The following PTPRD variants were observed in gnomAD, a reference collection of about 807,000 sequenced individuals.
PTPRD encodes the protein protein tyrosine phosphatase receptor type D, also known as receptor-type tyrosine-protein phosphatase delta.
A neutral mutation model predicts 214.5 loss-of-function variants in PTPRD; 34 were observed. The observed-to-expected ratio is 0.16, with a 90% CI of 0.12 to 0.21. PTPRD has a LOEUF of 0.21. Ranked by LOEUF, PTPRD falls within the 10% of genes least tolerant of loss-of-function variation. The probability of loss-of-function intolerance (pLI) is 1.00; values close to 1 mark genes in which losing one functional copy is unlikely to be tolerated. For missense variants in PTPRD, 2,545 were observed against 2,398.7 expected, an observed-to-expected ratio of 1.06 and a Z score of -1.27; for synonymous variants, 1,128 against 845.7, an observed-to-expected ratio of 1.33 and a Z score of -5.79.
chr9:8,316,505 T>C lies in PTPRD; in HGVS notation c.*1369A>G, dbSNP rs1288377234. ...ATTTCATAGCACATACTATAGACAATATACGATTGAATACACTTTTTTTAA... is the reference window on the plus strand; with the variant it reads ...ATTTCATAGCACATACTATAGACAACATACGATTGAATACACTTTTTTTAA... On this transcript the variant is annotated 3_prime_UTR_variant, in exon 46 of 46. Coordinates refer to ENST00000381196, the MANE Select transcript of PTPRD (RefSeq NM_002839.4). The C allele has an allele frequency of 2.2e-5, 5 of 230,318 alleles. No homozygotes were observed. Among genetic ancestry groups the C allele is most frequent in the Non-Finnish European group, 4.3e-5 (5 of 116,134 alleles). The allele number at this position is 230,318 out of a possible 1,614,324, so 14.3% of individuals were successfully genotyped here.
At chr9:8,478,855 A>C (rs2096822198) in intron 30 of PTPRD, among the ~76,000 whole-genome samples, 1 of 152,220 alleles carries the variant, frequency 6.6e-6, no homozygotes, top group African/African-American at 2.4e-5. Flanking sequence ...GGTGTTGAGG[A>C]GTTAAGGAGT....
At position 8,524,962 on chromosome 9, in the gene PTPRD, G is replaced by C. The variant is rs1564065465; in HGVS notation, c.642C>G (p.Gly214=). The change falls in exon 18 of 46, where the codon GGC becomes GGG. Residue 214 remains glycine, a synonymous_variant. Transcript: ENST00000381196. ...AATTGGCAGGAGCGGAATAGCGAGT[G>C]CCCGCGCTGTTGGTGGCAACACACT... The part of the protein sequence containing the change: ...KYECVATNSA[G]TRYSAPANLY... The C allele has an allele frequency of 5.0e-6, 8 of 1,613,656 alleles. No individual in the cohort carries two copies. Among genetic ancestry groups the C allele is most frequent in the Non-Finnish European group, 6.8e-6 (8 of 1,179,692 alleles).
intron 4 of PTPRD, among the ~76,000 whole-genome samples, chr9:9,968,392 G>T (rs935180064): frequency 6.6e-6 from 1 of 152,162 alleles, no homozygotes. Context: ...TTGAGTAAAT[G>T]TAACAGCAAG....
chr9:9,722,459 T>G (rs145009619), intron 7 of PTPRD, among the ~76,000 whole-genome samples: 5 of 152,240 alleles, frequency 3.3e-5, no homozygotes, highest in South Asian at 2.1e-4. Flanking sequence ...TTTAAAAAAT[T>G]TATTCATCAA....
At chr9:10,199,094 T>C (rs975804866) in intron 3 of PTPRD, among the ~76,000 whole-genome samples, 15 of 152,082 alleles carry the variant, frequency 9.9e-5, no homozygotes, top group African/African-American at 3.1e-4. Flanking sequence ...TCCTCTTTCA[T>C]GGTATAGAAG....
At position 8,813,193 on chromosome 9, in the gene PTPRD, A is replaced by AG. The variant is rs542103745; in HGVS notation, c.-103-79248dup. Among the ~76,000 whole-genome samples the AG allele has an allele frequency of 7.6e-3, 1,162 of 152,090 alleles. 11 individuals carry two copies. The highest frequency in any genetic ancestry group is 0.036 in the South Asian group (175 of 4,804). On this transcript the variant is annotated intron_variant, in intron 11 of 45. Coordinates refer to ENST00000381196, the MANE Select transcript of PTPRD (RefSeq NM_002839.4). ...TGGACATTTTTCATTAATGACCTGG[A>AG]GGGTAGAATAATTATCACTGTTATT...
intron 10 of PTPRD, among the ~76,000 whole-genome samples, chr9:9,039,428 G>A (rs116451786): frequency 1.3e-5 from 2 of 152,236 alleles, no homozygotes; most frequent in East Asian, 1.9e-4. Flanking sequence ...TACTTATCTC[G>A]ATGACTCTAA....
intron 11 of PTPRD, among the ~76,000 whole-genome samples, chr9:8,877,147 C>T (rs1008379350): frequency 6.6e-6 from 1 of 151,866 alleles, no homozygotes; most frequent in South Asian, 2.1e-4. Flanking sequence ...GGATGGTCTC[C>T]ATCTCCTGAC....
At chr9:9,525,887 C>T (rs2074013399) in intron 8 of PTPRD, among the ~76,000 whole-genome samples, 1 of 151,726 alleles carries the variant, frequency 6.6e-6, no homozygotes, top group Admixed American at 6.6e-5. Context: ...GGTATTCATC[C>T]ATGTAAGCAT....
chr9:10,457,370 G>A (rs1166350161), intron 2 of PTPRD, among the ~76,000 whole-genome samples: 3 of 151,842 alleles, frequency 2.0e-5, no homozygotes, highest in African/African-American at 7.3e-5. Flanking sequence ...TCCACAGATT[G>A]TTTTTTCCTG....
chr9:8,368,368 C>G (rs922035549), intron 39 of PTPRD, among the ~76,000 whole-genome samples: 1 of 152,102 alleles, frequency 6.6e-6, no homozygotes, highest in South Asian at 2.1e-4. Context: ...TAAACAGTCA[C>G]TTACAACACA....
chr9:9,267,191 G>C (rs369414722), intron 9 of PTPRD, among the ~76,000 whole-genome samples: 2 of 151,074 alleles, frequency 1.3e-5, no homozygotes, highest in Non-Finnish European at 3.0e-5. Context: ...TACATAAAGA[G>C]CAAAAACTCA....
chr9:10,413,165 G>C (rs1168419147), intron 2 of PTPRD, among the ~76,000 whole-genome samples: 1 of 151,836 alleles, frequency 6.6e-6, no homozygotes, highest in Non-Finnish European at 1.5e-5. Flanking sequence ...AAGAGAGGAA[G>C]TCAAACTATC....
At chr9:10,497,139 G>C (rs777434415) in intron 2 of PTPRD, among the ~76,000 whole-genome samples, 41 of 151,770 alleles carry the variant, frequency 2.7e-4, no homozygotes, top group Non-Finnish European at 5.2e-4. Context: ...AGATGCTGCA[G>C]GCTAATAGAG....
chr9:8,683,560 G>C (rs2097597133), intron 12 of PTPRD, among the ~76,000 whole-genome samples: 2 of 152,192 alleles, frequency 1.3e-5, no homozygotes, highest in South Asian at 2.1e-4. Flanking sequence ...AGGAAAAGGA[G>C]GAAGAAATAA....
chr9:10,515,824 C>T (rs942581990), intron 2 of PTPRD, among the ~76,000 whole-genome samples: 2 of 151,926 alleles, frequency 1.3e-5, no homozygotes, highest in African/African-American at 4.8e-5. Flanking sequence ...ACCTTGGAAT[C>T]ATGCAGTATT....
chr9:9,719,435 T>G (rs929420351), intron 7 of PTPRD, among the ~76,000 whole-genome samples: 2 of 152,104 alleles, frequency 1.3e-5, no homozygotes, highest in East Asian at 3.9e-4. Context: ...TGAAGAGTGG[T>G]GAACCTTCTG....
chr9:10,408,475 C>T (rs1450955527), intron 2 of PTPRD, among the ~76,000 whole-genome samples: 1 of 151,616 alleles, frequency 6.6e-6, no homozygotes, highest in African/African-American at 2.4e-5. Context: ...CTTTCAATGA[C>T]TGCACAAGTT....
chr9:8,509,828 C>G (rs2097639381), intron 21 of PTPRD, among the ~76,000 whole-genome samples: 1 of 152,146 alleles, frequency 6.6e-6, no homozygotes, highest in Non-Finnish European at 1.5e-5. Flanking sequence ...ATCCAAGTCT[C>G]AGAGAGTACA....
Sources: allele counts gnomAD v4.1 joint callset (sites outside exome capture counted in the v4.1 genomes callset), GRCh38; gene constraint gnomAD v4.1.1; transcripts MANE v1.5; gene names NCBI Gene and HGNC (gene_info 2026-07-23, HGNC 2026-07-21).